The following ARPP21 variants were observed in gnomAD, a reference collection of about 807,000 sequenced individuals.
ARPP21 encodes cAMP-regulated phosphoprotein 21.
In ARPP21, 69 loss-of-function variants were observed where a neutral mutation model predicts 113.2. That is an observed-to-expected ratio of 0.61 (90% CI 0.50 to 0.74). The LOEUF (loss-of-function observed/expected upper bound fraction) is 0.74. ARPP21 is among the 30% of genes least tolerant of loss of function. The pLI is 0.00. For synonymous variants in ARPP21, 368 were observed against 375.5 expected, an observed-to-expected ratio of 0.98 and a Z score of 0.23; for missense variants, 1,070 against 1,037.4, an observed-to-expected ratio of 1.03 and a Z score of -0.43.
chr3:35,725,913 C>T (rs1039861179), intron 14 of ARPP21, among the ~76,000 whole-genome samples: 1 of 152,118 alleles, frequency 6.6e-6, no homozygotes, highest in Non-Finnish European at 1.5e-5. Flanking sequence ...GCCCTGGCCC[C>T]CGTCTGTGCC....
At chr3:35,683,937 T>C in intron 5 of ARPP21, 122 bp downstream of exon 5, 1 of 1,066,732 alleles carries the variant, frequency 9.4e-7, no homozygotes, top group South Asian at 1.3e-5. Flanking sequence ...AAATAATTCA[T>C]TTTTTGGCTT....
intron 19 of ARPP21, among the ~76,000 whole-genome samples, chr3:35,747,792 T>C (rs1056553221): frequency 1.3e-5 from 2 of 151,790 alleles, no homozygotes; most frequent in East Asian, 1.9e-4. Flanking sequence ...TAAAAATTCA[T>C]TGTGTAGAGT....
chr3:35,791,729 A>G (rs944593824), intron 19 of ARPP21, among the ~76,000 whole-genome samples: 2 of 152,230 alleles, frequency 1.3e-5, no homozygotes, highest in Non-Finnish European at 2.9e-5. Flanking sequence ...ATACTTGGTC[A>G]CATATTGGAG....
chr3:35,688,237 G>T (rs2081187467), intron 6 of ARPP21, among the ~76,000 whole-genome samples: 1 of 151,504 alleles, frequency 6.6e-6, no homozygotes. Flanking sequence ...TACCAAGTTT[G>T]ATATCTTAAC....
intron 15 of ARPP21, among the ~76,000 whole-genome samples, chr3:35,735,318 G>T (rs1261190162): frequency 6.6e-6 from 1 of 151,908 alleles, no homozygotes; most frequent in African/African-American, 2.4e-5. Context: ...TTGCCCGGTT[G>T]CCCAGGCTGG....
chr3:35,732,210 G>T (rs900272738), intron 15 of ARPP21, among the ~76,000 whole-genome samples: 20 of 151,712 alleles, frequency 1.3e-4, no homozygotes, highest in African/African-American at 4.9e-4. Context: ...TGCCAATCAT[G>T]TGCCTACTAA....
chr3:35,774,480 T>A (rs925553450), intron 19 of ARPP21, among the ~76,000 whole-genome samples: 1 of 152,176 alleles, frequency 6.6e-6, no homozygotes, highest in Admixed American at 6.6e-5. Flanking sequence ...TCTTTGTGAA[T>A]TCTTCAAGCT....
At chr3:35,668,575 T>C (rs1248538013) in intron 1 of ARPP21, among the ~76,000 whole-genome samples, 3 of 152,168 alleles carry the variant, frequency 2.0e-5, no homozygotes, top group African/African-American at 7.2e-5. Flanking sequence ...AGGATAGTTT[T>C]GAACCACACA....
intron 20 of ARPP21, 122 bp from the exon 21 acceptor site, chr3:35,793,579 T>A (rs1039137342): frequency 2.9e-6 from 2 of 686,630 alleles, no homozygotes; most frequent in Non-Finnish European, 5.2e-6. Context: ...ATGGCAGAGC[T>A]GGAATTGATG....
At chr3:35,708,946 C>T in intron 10 of ARPP21, 23 bp from the exon 11 acceptor site, 1 of 1,562,486 alleles carries the variant, frequency 6.4e-7, no homozygotes, top group South Asian at 1.1e-5. Context: ...GGATAACCCT[C>T]CTGATTTCTT....
chr3:35,698,902 T>G (rs538970464), intron 9 of ARPP21, among the ~76,000 whole-genome samples: 82 of 151,828 alleles, frequency 5.4e-4, no homozygotes, highest in African/African-American at 2.0e-3. Flanking sequence ...ACACACTGGA[T>G]TCACAATTGC....
chr3:35,763,423 G>C (rs562685373), intron 19 of ARPP21, among the ~76,000 whole-genome samples: 5 of 152,120 alleles, frequency 3.3e-5, no homozygotes, highest in Non-Finnish European at 7.4e-5. Context: ...AATTTTAAAA[G>C]TCTTGATATG....
At chr3:35,768,079 CGTGTGTGTGT>C (rs5847897) in intron 19 of ARPP21, among the ~76,000 whole-genome samples, 12,122 of 111,526 alleles carry the variant, frequency 0.11, 588 homozygotes, top group Non-Finnish European at 0.13. Flanking sequence ...CATGCTTTTC[CGTGTGTGTGT>C]GTGTGTGTGT....
chr3:35,725,703 T>C (rs188061487), intron 14 of ARPP21, among the ~76,000 whole-genome samples: 1 of 152,352 alleles, frequency 6.6e-6, no homozygotes, highest in Admixed American at 6.5e-5. Context: ...TTCTATCTTT[T>C]GTCATGTTTC....
intron 9 of ARPP21, among the ~76,000 whole-genome samples, chr3:35,700,182 T>C (rs1292663093): frequency 6.6e-6 from 1 of 151,806 alleles, no homozygotes; most frequent in East Asian, 1.9e-4. Flanking sequence ...TTCTATTTTT[T>C]ACAAGAAACC....
intron 9 of ARPP21, among the ~76,000 whole-genome samples, chr3:35,694,469 T>C (rs962272894): frequency 1.3e-5 from 2 of 148,342 alleles, no homozygotes; most frequent in African/African-American, 4.9e-5. Context: ...TATTATTACA[T>C]TTAATACAAA....
At chr3:35,645,287 T>C (rs2148888928) in intron 1 of ARPP21, among the ~76,000 whole-genome samples, 1 of 151,992 alleles carries the variant, frequency 6.6e-6, no homozygotes, top group South Asian at 2.1e-4. Flanking sequence ...ACACACAAAA[T>C]ATTAAGATTT....
chr3:35,742,648 A>G lies in ARPP21; in HGVS notation c.2011-1191A>G, dbSNP rs78421721. On this transcript the variant is annotated intron_variant, in intron 18 of 20. Coordinates refer to ENST00000684406, the MANE Select transcript of ARPP21 (RefSeq NM_001385562.1). Reference sequence around the variant, plus strand: ...TATATTTTGTTCCCACTTTATCCTCAGGCAGCAAAATATGTTACATATGTT... The same window carrying G: ...TATATTTTGTTCCCACTTTATCCTCGGGCAGCAAAATATGTTACATATGTT... 3.5e-3 allele frequency among the ~76,000 whole-genome samples: 536 copies of G among 152,354 alleles called. 32 individuals are homozygous for G. In the East Asian group the frequency reaches 0.094, roughly 27 times the overall value.
intron 19 of ARPP21, among the ~76,000 whole-genome samples, chr3:35,779,431 G>A (rs567848574): frequency 6.6e-6 from 1 of 152,122 alleles, no homozygotes; most frequent in Non-Finnish European, 1.5e-5. Flanking sequence ...CTGGGATTTT[G>A]TCCCTGATTT....
Sources: allele counts gnomAD v4.1 joint callset (sites outside exome capture counted in the v4.1 genomes callset), GRCh38; gene constraint gnomAD v4.1.1; transcripts MANE v1.5; gene names NCBI Gene and HGNC (gene_info 2026-07-23, HGNC 2026-07-21).